The following HSF2 variants were observed in gnomAD, a reference collection of about 807,000 sequenced individuals.
HSF2 encodes heat shock factor protein 2.
Under a neutral mutation model 65.0 loss-of-function variants are expected in HSF2, and 21 were observed. That is an observed-to-expected ratio of 0.32 (90% CI 0.23 to 0.47). The LOEUF is 0.47. HSF2 is among the 20% of genes least tolerant of loss of function. The pLI, the probability that HSF2 is intolerant of heterozygous loss-of-function variation, is 1.00. For missense variants in HSF2, 499 were observed against 628.1 expected, an observed-to-expected ratio of 0.79 and a Z score of 2.20; for synonymous variants, 225 against 219.1, an observed-to-expected ratio of 1.03 and a Z score of -0.24.
At position 122,428,031 on chromosome 6, in the gene HSF2, A is replaced by G. The variant is rs1213233768; in HGVS notation, c.1230+75A>G. The G allele has an allele frequency of 7.1e-6, 6 of 850,274 alleles. No homozygotes were observed. In the Admixed American group the frequency reaches 7.4e-5, roughly 10 times the overall value. 52.7% of individuals were successfully genotyped at this position (850,274 alleles called of 1,614,324 possible). A position where few individuals can be genotyped will look rare whatever the true frequency, so the allele number is the denominator to read the frequency against. ...AAAACGTCCTAATAAGTAGAGAGCAATGTCACTCCCAGCCACAAAAAGCAT... is the reference window on the plus strand; with the variant it reads ...AAAACGTCCTAATAAGTAGAGAGCAGTGTCACTCCCAGCCACAAAAAGCAT... On this transcript the variant is annotated intron_variant, in intron 11 of 12. Transcript: ENST00000368455.
intron 1 of HSF2, among the ~76,000 whole-genome samples, chr6:122,409,124 A>G (rs536896465): frequency 1.2e-4 from 19 of 152,144 alleles, no homozygotes; most frequent in African/African-American, 4.3e-4. Flanking sequence ...AAGAATATGA[A>G]TGGTGCCACG....
At chr6:122,408,356 G>A (rs1448512446) in intron 1 of HSF2, among the ~76,000 whole-genome samples, 1 of 150,448 alleles carries the variant, frequency 6.6e-6, no homozygotes, top group Non-Finnish European at 1.5e-5. Flanking sequence ...AAAGCCTTTT[G>A]GATTTTTGCT....
chr6:122,402,845 G>A lies in HSF2; in HGVS notation c.93+3015G>A, dbSNP rs927047098. 2.6e-5 allele frequency among the ~76,000 whole-genome samples: 4 copies of A among 151,938 alleles called. No individual in the cohort carries two copies. The East Asian group carries it at 5.8e-4, about 22-fold the overall frequency. Reference sequence around the variant, plus strand: ...GAGATTACAGGTGTGAGCCACCGGCGCCCAGGTACTCTCATCTTTTGAAAG... The same window carrying A: ...GAGATTACAGGTGTGAGCCACCGGCACCCAGGTACTCTCATCTTTTGAAAG... On this transcript the variant is annotated intron_variant, in intron 1 of 12. Transcript: ENST00000368455.
chr6:122,412,031 A>G (rs999369893), intron 1 of HSF2, among the ~76,000 whole-genome samples: 6 of 151,730 alleles, frequency 4.0e-5, no homozygotes, highest in Admixed American at 3.9e-4. Context: ...TCTTAATTGC[A>G]CTAGTTTTAA....
rs1356330053 is a variant in HSF2, at chr6:122,432,810, T to C, written c.*590T>C. ...CGTGAATGCTCGCTGTCTGATAGGG[T>C]TCCAGCTCCATATATATAGAAAGAT... On this transcript the variant is annotated 3_prime_UTR_variant, in exon 13 of 13. Transcript: ENST00000368455. 3 of 152,442 alleles carry C rather than the reference T, an allele frequency of 2.0e-5. No individual in the cohort carries two copies. Among genetic ancestry groups the C allele is most frequent in the African/African-American group, 7.2e-5 (3 of 41,450 alleles). 9.4% of individuals were successfully genotyped at this position (152,442 alleles called of 1,614,324 possible). A position where few individuals can be genotyped will look rare whatever the true frequency, so the allele number is the denominator to read the frequency against.
At chr6:122,408,848 A>AT (rs372791560) in intron 1 of HSF2, among the ~76,000 whole-genome samples, 51,975 of 140,984 alleles carry the variant, frequency 0.37, 9,891 homozygotes, top group Non-Finnish European at 0.45. Flanking sequence ...TTTTAACTTC[A>AT]TTTTTTTTTT....
rs796528194 is a variant in HSF2 at position 122,421,851 on chromosome 6, A to T, written c.682-299A>T. ...AGACTTTTTTACTCTTTAGGCATAA[A>T]AAATACTTTAAAATTTGAAGATCTT... On this transcript the variant is annotated intron_variant, in intron 7 of 12. Coordinates refer to ENST00000368455, the MANE Select transcript of HSF2 (RefSeq NM_004506.4). 1.9e-4 allele frequency among the ~76,000 whole-genome samples: 29 copies of T among 152,236 alleles called. 1 individual carries two copies. The highest frequency in any genetic ancestry group is 7.0e-4 in the African/African-American group (29 of 41,538).
intron 9 of HSF2, among the ~76,000 whole-genome samples, 181 bp downstream of exon 9, chr6:122,423,138 G>A (rs759024508): frequency 6.6e-6 from 1 of 152,072 alleles, no homozygotes; most frequent in Admixed American, 6.6e-5. Flanking sequence ...AATAGTCTTG[G>A]TATTTTCCTG....
chr6:122,422,100 G>A, intron 7 of HSF2, 50 bp from the exon 8 acceptor site: 3 of 1,273,024 alleles, frequency 2.4e-6, no homozygotes. Flanking sequence ...ATCTTGTTTG[G>A]TAGTCAATGA....
chr6:122,425,474 C>T (rs1290213645), intron 10 of HSF2, among the ~76,000 whole-genome samples: 1 of 152,146 alleles, frequency 6.6e-6, no homozygotes, highest in Non-Finnish European at 1.5e-5. Context: ...AAAAGTTATT[C>T]TCTCTCGCCT....
intron 5 of HSF2, among the ~76,000 whole-genome samples, chr6:122,418,565 TAGGTCTCAAC>T (rs1774170613): frequency 6.6e-6 from 1 of 152,320 alleles, no homozygotes; most frequent in Admixed American, 6.5e-5. Flanking sequence ...TTTTGACAGA[TAGGTCTCAAC>T]ATTAATCTTT....
chr6:122,421,246 C>A (rs553971173), intron 7 of HSF2, among the ~76,000 whole-genome samples: 12 of 152,072 alleles, frequency 7.9e-5, no homozygotes. Flanking sequence ...GTCCAAAGTC[C>A]AGATCTTTTT....
intron 1 of HSF2, among the ~76,000 whole-genome samples, chr6:122,410,948 G>T (rs1417625385): frequency 2.1e-4 from 27 of 128,882 alleles, no homozygotes; most frequent in East Asian, 1.6e-3. Context: ...TTGTTTTTGG[G>T]TTTTTTTTTT....
intron 7 of HSF2, among the ~76,000 whole-genome samples, chr6:122,420,696 A>ATTTTTTTTT (rs1353831309): frequency 9.8e-5 from 2 of 20,376 alleles, no homozygotes; most frequent in African/African-American, 3.2e-4. Context: ...TAGTTTATTC[A>ATTTTTTTTT]TTTCTTTTTT....
At chr6:122,409,526 C>G (rs1406138863) in intron 1 of HSF2, among the ~76,000 whole-genome samples, 1 of 151,880 alleles carries the variant, frequency 6.6e-6, no homozygotes, top group African/African-American at 2.4e-5. Flanking sequence ...AGGGAAAGTT[C>G]TTTTAAGATA....
intron 11 of HSF2, among the ~76,000 whole-genome samples, chr6:122,429,087 C>T (rs1185701637): frequency 6.6e-6 from 1 of 152,064 alleles, no homozygotes; most frequent in Admixed American, 6.6e-5. Flanking sequence ...ACTTCATTTA[C>T]AGACAGGCAG....
intron 1 of HSF2, among the ~76,000 whole-genome samples, chr6:122,407,360 C>T (rs1427019659): frequency 1.3e-5 from 2 of 152,172 alleles, no homozygotes; most frequent in African/African-American, 2.4e-5. Context: ...AAAGAGATCA[C>T]ACCAGCTTAT....
chr6:122,429,522 A>G (rs1249507362), intron 11 of HSF2, among the ~76,000 whole-genome samples: 2 of 152,118 alleles, frequency 1.3e-5, no homozygotes, highest in Admixed American at 1.3e-4. Context: ...ATGGATTACA[A>G]CACTTTCCTA....
At chr6:122,417,151 T>G (rs973235821) in intron 5 of HSF2, among the ~76,000 whole-genome samples, 1 of 151,658 alleles carries the variant, frequency 6.6e-6, no homozygotes, top group Non-Finnish European at 1.5e-5. Flanking sequence ...TTACTGTGTT[T>G]TTTTTTTTTT....
Sources: allele counts gnomAD v4.1 joint callset (sites outside exome capture counted in the v4.1 genomes callset), GRCh38; gene constraint gnomAD v4.1.1; transcripts MANE v1.5; gene names NCBI Gene and HGNC (gene_info 2026-07-23, HGNC 2026-07-21).